CAPRIN1: variants seen among roughly 807,000 people sequenced by gnomAD.
CAPRIN1 encodes the protein caprin-1.
A neutral mutation model predicts 100.9 loss-of-function variants in CAPRIN1; 29 were observed. That is an observed-to-expected ratio of 0.29 (90% CI 0.21 to 0.39). The LOEUF is 0.39. Ranked by LOEUF, CAPRIN1 falls within the 10% of genes least tolerant of loss-of-function variation. The pLI is 1.00. For synonymous variants in CAPRIN1, 338 were observed against 307.5 expected (o/e 1.10, Z -1.04); for missense variants, 795 against 876.7 (o/e 0.91, Z 1.18).
intron 2 of CAPRIN1, among the ~76,000 whole-genome samples, chr11:34,060,132 G>A (rs932770285): frequency 2.1e-5 from 3 of 140,418 alleles, no homozygotes; most frequent in Non-Finnish European, 4.5e-5. Flanking sequence ...GGAGGCAGAC[G>A]TTGCAGTGAG....
At position 34,076,660 on chromosome 11, in the gene CAPRIN1, A is replaced by G; in HGVS notation, c.688+18A>G. ...AACCACCTGTGAGTATCACTGTGAT[A>G]ACTTTGATTTTATAACTAGGAATCT... On this transcript the variant is annotated intron_variant, in intron 6 of 18. Coordinates refer to ENST00000341394, the MANE Select transcript of CAPRIN1 (RefSeq NM_005898.5). The G allele has an allele frequency of 6.6e-7, 1 of 1,522,058 alleles. No individual in the cohort carries two copies. 94.3% of individuals were successfully genotyped at this position (1,522,058 alleles called of 1,614,324 possible). A position where few individuals can be genotyped will look rare whatever the true frequency, so the allele number is the denominator to read the frequency against.
At chr11:34,098,351 TAAAA>T in intron 18 of CAPRIN1, 13 of 984,158 alleles carry the variant, frequency 1.3e-5, no homozygotes, top group Non-Finnish European at 1.6e-5. Flanking sequence ...GAGCTATACT[TAAAA>T]AAAATTACAG....
chr11:34,089,850 C>G (rs1851228839), intron 12 of CAPRIN1, among the ~76,000 whole-genome samples: 2 of 151,726 alleles, frequency 1.3e-5, no homozygotes, highest in Non-Finnish European at 2.9e-5. Flanking sequence ...ATATAATAAG[C>G]CTTTTTTATT....
Position 34,083,081 on chromosome 11 carries a change from T to C in CAPRIN1, c.966+40T>C, listed in dbSNP as rs189738293. ...TATTGCAAAGTTGTTGTCTTTGTCT[T>C]CAGTTAGTAATTTTTATCTCTACTG... On this transcript the variant is annotated intron_variant, in intron 9 of 18. Coordinates refer to ENST00000341394, the MANE Select transcript of CAPRIN1 (RefSeq NM_005898.5). 199 of 1,376,696 alleles carry C rather than the reference T, an allele frequency of 1.4e-4. 2 individuals carry two copies. In the East Asian group the frequency reaches 4.1e-3, roughly 28 times the overall value. 85.3% of individuals were successfully genotyped at this position (1,376,696 alleles called of 1,614,324 possible). A position where few individuals can be genotyped will look rare whatever the true frequency, so the allele number is the denominator to read the frequency against.
At chr11:34,061,200 CTTT>C (rs770158492) in intron 2 of CAPRIN1, among the ~76,000 whole-genome samples, 20 of 102,846 alleles carry the variant, frequency 1.9e-4, no homozygotes, top group African/African-American at 6.9e-4. Flanking sequence ...AGGTAACATC[CTTT>C]TTTTTTTTTT....
At chr11:34,084,150 C>G (rs1851090336) in intron 9 of CAPRIN1, among the ~76,000 whole-genome samples, 1 of 151,500 alleles carries the variant, frequency 6.6e-6, no homozygotes, top group Non-Finnish European at 1.5e-5. Flanking sequence ...GATGGGGTTT[C>G]ACCATTTTGG....
At chr11:34,075,861 T>C (rs1850896906) in intron 4 of CAPRIN1, among the ~76,000 whole-genome samples, 1 of 152,210 alleles carries the variant, frequency 6.6e-6, no homozygotes, top group South Asian at 2.1e-4. Flanking sequence ...AACAATACAA[T>C]GAAACTCTTT....
chr11:34,090,415 G>C, intron 13 of CAPRIN1, 114 bp from the exon 14 acceptor site: 1 of 1,335,656 alleles, frequency 7.5e-7, no homozygotes, highest in South Asian at 1.3e-5. Flanking sequence ...AAATATTTGA[G>C]TTTGTTAATA....
intron 15 of CAPRIN1, among the ~76,000 whole-genome samples, chr11:34,092,586 C>G (rs1372111340): frequency 6.6e-6 from 1 of 152,084 alleles, no homozygotes; most frequent in Non-Finnish European, 1.5e-5. Context: ...TCTTGAACTT[C>G]TGAGCTCACG....
intron 4 of CAPRIN1, 120 bp from the exon 5 acceptor site, chr11:34,076,116 G>A (rs1850901751): frequency 1.5e-6 from 1 of 649,268 alleles, no homozygotes. Flanking sequence ...ATCCTTTTGT[G>A]TATTGAGGTC....
At chr11:34,053,678 C>T (rs182397399) in intron 2 of CAPRIN1, 2 of 151,672 alleles carry the variant, frequency 1.3e-5, no homozygotes, top group East Asian at 1.9e-4. Context: ...TGAGGTATAT[C>T]TTCATCTGCA....
chr11:34,074,229 C>T (rs1850862454), intron 4 of CAPRIN1, among the ~76,000 whole-genome samples: 1 of 152,194 alleles, frequency 6.6e-6, no homozygotes, highest in African/African-American at 2.4e-5. Flanking sequence ...GATTGCTATA[C>T]AGTTTAATGT....
chr11:34,052,272 C>T lies in CAPRIN1; in HGVS notation c.1-149C>T, dbSNP rs553269031. 394 of 649,028 alleles carry T rather than the reference C, an allele frequency of 6.1e-4. 2 individuals carry two copies. The highest frequency in any genetic ancestry group is 8.0e-4 in the Non-Finnish European group (309 of 387,596). 40.2% of individuals were successfully genotyped at this position (649,028 alleles called of 1,614,324 possible). A position where few individuals can be genotyped will look rare whatever the true frequency, so the allele number is the denominator to read the frequency against. The stretch of plus-strand genomic sequence containing the variant: ...GCGCGCGCCCGCGCACTCTTCCTGC[C>T]CTCGAGGCGCGCCGCGCCCCCTCCC... On this transcript the variant is annotated intron_variant, in intron 1 of 18. Coordinates refer to ENST00000341394, the MANE Select transcript of CAPRIN1 (RefSeq NM_005898.5).
chr11:34,094,732 G>T (rs751924522), intron 15 of CAPRIN1, among the ~76,000 whole-genome samples: 32 of 152,190 alleles, frequency 2.1e-4, no homozygotes, highest in Non-Finnish European at 4.1e-4. Context: ...AGGAGTTCAA[G>T]GTTGCAGTGA....
At chr11:34,095,885 A>G (rs1590748643) in intron 15 of CAPRIN1, 1 of 152,352 alleles carries the variant, frequency 6.6e-6, no homozygotes, top group Middle Eastern at 3.4e-3. Flanking sequence ...TAAATTGGCT[A>G]TACTTGCCAT....
intron 4 of CAPRIN1, 62 bp downstream of exon 4, chr11:34,072,049 C>G: frequency 9.5e-7 from 1 of 1,058,146 alleles, no homozygotes; most frequent in Non-Finnish European, 1.4e-6. Context: ...GGTTTTAGTC[C>G]TTCCATTACT....
chr11:34,079,806 G>GT, intron 7 of CAPRIN1, 41 bp downstream of exon 7: 2 of 1,561,368 alleles, frequency 1.3e-6, no homozygotes, highest in South Asian at 2.3e-5. Flanking sequence ...TAGGGTCCTG[G>GT]TTTTATTTGA....
At chr11:34,057,827 T>C (rs1850484787) in intron 2 of CAPRIN1, among the ~76,000 whole-genome samples, 1 of 152,116 alleles carries the variant, frequency 6.6e-6, no homozygotes, top group African/African-American at 2.4e-5. Context: ...CAAGCTATTC[T>C]CCTGCCTTAG....
intron 2 of CAPRIN1, among the ~76,000 whole-genome samples, chr11:34,062,675 GGAAAA>G (rs1358055617): frequency 6.6e-6 from 1 of 151,670 alleles, no homozygotes; most frequent in Non-Finnish European, 1.5e-5. Context: ...AAAGTTGAGA[GGAAAA>G]GAAATATTTT....
Sources: allele counts gnomAD v4.1 joint callset (sites outside exome capture counted in the v4.1 genomes callset), GRCh38; gene constraint gnomAD v4.1.1; transcripts MANE v1.5; gene names NCBI Gene and HGNC (gene_info 2026-07-23, HGNC 2026-07-21).